The following MYO9B variants were observed in gnomAD, a reference collection of about 807,000 sequenced individuals.
The protein encoded by MYO9B is myosin IXB, also known as unconventional myosin-IXb.
MYO9B carries 71 observed loss-of-function variants against 229.5 expected under a neutral mutation model. The ratio of observed to expected loss-of-function variants is 0.31; its 90% CI spans 0.26 to 0.38. The LOEUF is 0.38. Ranked by LOEUF, MYO9B falls within the 10% of genes least tolerant of loss-of-function variation. MYO9B has a pLI of 1.00. For synonymous variants in MYO9B, 1,185 were observed against 1,235.8 expected, an observed-to-expected ratio of 0.96 and a Z score of 0.86; for missense variants, 2,255 against 2,920.5, an observed-to-expected ratio of 0.77 and a Z score of 5.25.
At chr19:17,091,766 A>G (rs560867511) in intron 1 of MYO9B, among the ~76,000 whole-genome samples, 2 of 151,804 alleles carry the variant, frequency 1.3e-5, no homozygotes, top group Admixed American at 6.6e-5. Flanking sequence ...TTCTAGGGCT[A>G]CCCCCTTCCC....
At chr19:17,098,915 A>G (rs2057717366) in intron 1 of MYO9B, among the ~76,000 whole-genome samples, 2 of 147,078 alleles carry the variant, frequency 1.4e-5, no homozygotes, top group African/African-American at 5.0e-5. Context: ...CAGCCTGGGA[A>G]GTAGAGCAAG....
chr19:17,174,282 C>T (rs113891747), intron 13 of MYO9B, among the ~76,000 whole-genome samples: 9,554 of 152,110 alleles, frequency 0.063, 392 homozygotes, highest in Non-Finnish European at 0.094. Context: ...CCGTCTGGCT[C>T]GGCCTCCCAG....
At chr19:17,209,468 A>T in intron 35 of MYO9B, 118 bp from the exon 36 acceptor site, 1 of 1,091,874 alleles carries the variant, frequency 9.2e-7, no homozygotes, top group Non-Finnish European at 1.3e-6. Context: ...TGTCCCAGGC[A>T]CTGCTTGGTC....
At chr19:17,150,331 A>C (rs2072462803) in intron 3 of MYO9B, among the ~76,000 whole-genome samples, 1 of 151,768 alleles carries the variant, frequency 6.6e-6, no homozygotes, top group African/African-American at 2.4e-5. Context: ...TCACTTGAAC[A>C]TGGGAGGCAG....
At position 17,104,227 on chromosome 19, in the gene MYO9B, G is replaced by A. The variant is rs547968336; in HGVS notation, c.840+1670G>A. ...CAGGGTGGAAGGAAGCCAGCAAGGC[G>A]TACGGCAGGCCTGGGGGTTAAGGGG... On this transcript the variant is annotated intron_variant, in intron 2 of 39. Transcript: ENST00000682292. 5.3e-5 allele frequency among the ~76,000 whole-genome samples: 8 copies of A among 152,266 alleles called. No homozygotes were observed. In the East Asian group the frequency reaches 1.2e-3, roughly 22 times the overall value.
chr19:17,198,554 G>T (rs893366909), intron 24 of MYO9B, among the ~76,000 whole-genome samples: 1 of 152,010 alleles, frequency 6.6e-6, no homozygotes, highest in African/African-American at 2.4e-5. Flanking sequence ...GGCCAACATG[G>T]TGAAACCCCA....
intron 1 of MYO9B, among the ~76,000 whole-genome samples, chr19:17,087,382 T>C (rs903873056): frequency 2.0e-5 from 3 of 152,158 alleles, no homozygotes; most frequent in African/African-American, 7.2e-5. Flanking sequence ...ACTGAACACG[T>C]TCAGAAGAAC....
chr19:17,093,176 A>G (rs531468965), intron 1 of MYO9B, among the ~76,000 whole-genome samples: 1 of 152,150 alleles, frequency 6.6e-6, no homozygotes, highest in East Asian at 1.9e-4. Flanking sequence ...AACCAAAAAT[A>G]CAAAAAATTA....
chr19:17,096,769 G>T (rs1482508355), intron 1 of MYO9B, among the ~76,000 whole-genome samples: 1 of 139,760 alleles, frequency 7.2e-6, no homozygotes, highest in Non-Finnish European at 1.5e-5. Context: ...GCAGTGGCAT[G>T]ATCTCAGCTC....
At chr19:17,096,609 G>T (rs1409828216) in intron 1 of MYO9B, among the ~76,000 whole-genome samples, 1 of 151,450 alleles carries the variant, frequency 6.6e-6, no homozygotes, top group Non-Finnish European at 1.5e-5. Flanking sequence ...GAGTGACAGA[G>T]TGAGACCCTG....
At chr19:17,111,747 CT>C (rs2057850034) in intron 2 of MYO9B, among the ~76,000 whole-genome samples, 1 of 152,196 alleles carries the variant, frequency 6.6e-6, no homozygotes, top group Non-Finnish European at 1.5e-5. Context: ...TTCCATCCCC[CT>C]GAAAGGAGAC....
chr19:17,145,869 G>A (rs1405629795), intron 3 of MYO9B, among the ~76,000 whole-genome samples: 1 of 152,212 alleles, frequency 6.6e-6, no homozygotes, highest in African/African-American at 2.4e-5. Context: ...CAGGTACAGA[G>A]CTGCAAAGTG....
intron 7 of MYO9B, among the ~76,000 whole-genome samples, chr19:17,158,078 A>G (rs1456071188): frequency 8.5e-5 from 13 of 152,154 alleles, no homozygotes; most frequent in Admixed American, 8.5e-4. Context: ...ATGCTGCCCA[A>G]CACCCCACAG....
At chr19:17,186,044 G>T (rs375017098) in intron 18 of MYO9B, 43 bp downstream of exon 18, 1 of 1,565,790 alleles carries the variant, frequency 6.4e-7, no homozygotes, top group East Asian at 2.3e-5. Context: ...GCCCATGCCG[G>T]ACTCTTAGGG....
At position 17,123,768 on chromosome 19, in the gene MYO9B, T is replaced by A. The variant is rs541931092; in HGVS notation, c.840+21211T>A. Among the ~76,000 whole-genome samples the A allele has an allele frequency of 2.2e-3, 336 of 152,142 alleles. 1 individual carries two copies. The highest frequency in any genetic ancestry group is 7.9e-3 in the African/African-American group (330 of 41,512). ...CACACACACAGCTTGGTTGAGTAGA[T>A]AGAAAATAGGCAAGGATGTTAAGAC... On this transcript the variant is annotated intron_variant, in intron 2 of 39. Transcript: ENST00000682292.
chr19:17,174,981 A>C (rs1338073219), intron 13 of MYO9B, among the ~76,000 whole-genome samples: 1 of 151,938 alleles, frequency 6.6e-6, no homozygotes, highest in Non-Finnish European at 1.5e-5. Flanking sequence ...ATTAATTAAA[A>C]GATGGGTCAA....
intron 1 of MYO9B, among the ~76,000 whole-genome samples, chr19:17,096,333 A>G (rs1411277755): frequency 1.3e-5 from 2 of 152,090 alleles, no homozygotes; most frequent in African/African-American, 4.8e-5. Context: ...CGTGCTAGGT[A>G]TGTGTTTTAA....
At position 17,172,983 on chromosome 19, in the gene MYO9B, C is replaced by T. The variant is rs1279293149; in HGVS notation, c.2140+20C>T. 1 of 1,594,484 alleles carries T rather than the reference C, an allele frequency of 6.3e-7. No homozygotes were observed. Among genetic ancestry groups the T allele is most frequent in the Admixed American group, 1.7e-5 (1 of 59,828 alleles). On this transcript the variant is annotated intron_variant, in intron 13 of 39. Coordinates refer to ENST00000682292, the MANE Select transcript of MYO9B (RefSeq NM_004145.4). This position sits in a 1 kb window ranked among gnomAD's most constrained non-coding sequence, Gnocchi z 8.2. ...CTGCAGGTGGGAGCTGGGGCGTGAA[C>T]CCACAAAAGCGTCACTGTCGAGAGG...
At position 17,172,951 on chromosome 19, in the gene MYO9B, G is replaced by C; in HGVS notation, c.2128G>C (p.Glu710Gln). The C allele has an allele frequency of 6.3e-7, 1 of 1,597,978 alleles. No homozygotes were observed. Among genetic ancestry groups the C allele is most frequent in the Non-Finnish European group, 8.5e-7 (1 of 1,179,422 alleles). Residue 710 changes from glutamate (E) to glutamine (Q), a missense_variant, in exon 13 of 40, where the codon GAA (glutamate) becomes CAA (glutamine). Coordinates refer to ENST00000682292, the MANE Select transcript of MYO9B (RefSeq NM_004145.4). The surrounding 1 kb of genome is among the most constrained non-coding windows in gnomAD (Gnocchi z 8.2). ...EAGRLRAERAEKAAGMSSPGA... is the reference protein window; with the variant it reads ...EAGRLRAERAQKAAGMSSPGA... ...CGGACGCCTGCGGGCCGAGAGGGCC[G>C]AAAAGGCTGCAGGTGGGAGCTGGGG...
Sources: gnomAD v4.1 joint callset for allele counts (sites outside exome capture counted in the v4.1 genomes callset) on GRCh38, gnomAD v4.1.1 for gene constraint, Gnocchi (gnomAD v3.1) non-coding constraint, MANE v1.5 for transcripts, NCBI Gene and HGNC (gene_info 2026-07-23, HGNC 2026-07-21) for gene names.